ELAPOR2: variants seen among roughly 807,000 people sequenced by gnomAD.
The protein encoded by ELAPOR2 is endosome-lysosome associated apoptosis and autophagy regulator family member 2, also known as endosome/lysosome-associated apoptosis and autophagy regulator family member 2.
In ELAPOR2, 89 loss-of-function variants were observed where a neutral mutation model predicts 120.7. The observed-to-expected ratio is 0.74, with a 90% CI of 0.62 to 0.88. The LOEUF is 0.88. ELAPOR2 is among the 40% of genes least tolerant of loss of function. ELAPOR2 has a pLI of 0.00. For synonymous variants in ELAPOR2, 444 were observed against 444.9 expected, an observed-to-expected ratio of 1.00 and a Z score of 0.03; for missense variants, 1,134 against 1,251.6, an observed-to-expected ratio of 0.91 and a Z score of 1.42.
At chr7:86,903,531 T>C (rs1243198967) in intron 18 of ELAPOR2, among the ~76,000 whole-genome samples, 1 of 152,198 alleles carries the variant, frequency 6.6e-6, no homozygotes, top group East Asian at 1.9e-4. Flanking sequence ...CATATTTTGG[T>C]TTTAACAGTC....
intron 4 of ELAPOR2, among the ~76,000 whole-genome samples, chr7:86,943,238 T>C (rs1790872780): frequency 6.6e-6 from 1 of 151,878 alleles, no homozygotes; most frequent in African/African-American, 2.4e-5. Flanking sequence ...ACTGGCATTC[T>C]GGAGACCTGT....
intron 2 of ELAPOR2, among the ~76,000 whole-genome samples, chr7:86,952,946 G>A (rs1319229510): frequency 6.6e-6 from 1 of 151,690 alleles, no homozygotes; most frequent in African/African-American, 2.4e-5. Context: ...AACACAAAAA[G>A]TTAGCCAGGC....
At chr7:86,935,935 A>C (rs1012629072) in intron 8 of ELAPOR2, among the ~76,000 whole-genome samples, 3 of 152,102 alleles carry the variant, frequency 2.0e-5, no homozygotes. Flanking sequence ...GGCAGAAAGA[A>C]ATCTAAGCAA....
At chr7:86,938,036 A>T in intron 8 of ELAPOR2, 90 bp downstream of exon 8, 1 of 974,452 alleles carries the variant, frequency 1.0e-6, no homozygotes, top group Non-Finnish European at 1.6e-6. Flanking sequence ...CGTGTGTCAT[A>T]AATATCTCTC....
At chr7:87,001,964 A>G (rs1793332402) in intron 1 of ELAPOR2, among the ~76,000 whole-genome samples, 1 of 152,128 alleles carries the variant, frequency 6.6e-6, no homozygotes, top group Non-Finnish European at 1.5e-5. Context: ...ATCTGAGCTT[A>G]ATGGTGTAAA....
chr7:87,052,520 G>T (rs1584049121), intron 1 of ELAPOR2, among the ~76,000 whole-genome samples: 6 of 152,166 alleles, frequency 3.9e-5, no homozygotes, highest in Admixed American at 2.0e-4. Flanking sequence ...TGAGCGCAAT[G>T]GTTCTTGCTG....
chr7:86,963,999 C>T (rs1310162123), intron 2 of ELAPOR2, among the ~76,000 whole-genome samples: 2 of 152,122 alleles, frequency 1.3e-5, no homozygotes, highest in East Asian at 3.8e-4. Flanking sequence ...TCAGTAAATC[C>T]ACCAATTATG....
intron 1 of ELAPOR2, among the ~76,000 whole-genome samples, chr7:86,973,086 T>A (rs1439094994): frequency 6.6e-6 from 1 of 152,062 alleles, no homozygotes; most frequent in Non-Finnish European, 1.5e-5. Flanking sequence ...AACACCACCA[T>A]CAGCCTAATG....
At chr7:87,040,417 G>T (rs1352375579) in intron 1 of ELAPOR2, among the ~76,000 whole-genome samples, 1 of 152,232 alleles carries the variant, frequency 6.6e-6, no homozygotes, top group Non-Finnish European at 1.5e-5. Flanking sequence ...CACGCAGCTG[G>T]AGATCTGAGA....
At chr7:87,043,305 CA>C (rs1467643263) in intron 1 of ELAPOR2, among the ~76,000 whole-genome samples, 1 of 150,980 alleles carries the variant, frequency 6.6e-6, no homozygotes, top group Non-Finnish European at 1.5e-5. Flanking sequence ...AGAGACACAA[CA>C]AAAAAAGAGA....
chr7:87,029,771 G>C (rs1794369226), intron 1 of ELAPOR2, among the ~76,000 whole-genome samples: 1 of 152,086 alleles, frequency 6.6e-6, no homozygotes, highest in Admixed American at 6.6e-5. Context: ...CACTCAGACA[G>C]GATATCTACA....
chr7:86,938,406 A>T (rs142625041), intron 7 of ELAPOR2, among the ~76,000 whole-genome samples, 192 bp from the exon 8 acceptor site: 1 of 152,240 alleles, frequency 6.6e-6, no homozygotes, highest in East Asian at 1.9e-4. Context: ...AAGTGTTTCT[A>T]TGATACACAT....
At chr7:86,915,874 A>G (rs1562919500) in intron 12 of ELAPOR2, among the ~76,000 whole-genome samples, 1 of 152,022 alleles carries the variant, frequency 6.6e-6, no homozygotes, top group Non-Finnish European at 1.5e-5. Flanking sequence ...TCCTCATGTA[A>G]CCAAACAATG....
At chr7:86,918,801 C>T (rs1270963234) in intron 11 of ELAPOR2, among the ~76,000 whole-genome samples, 2 of 151,994 alleles carry the variant, frequency 1.3e-5, no homozygotes, top group Non-Finnish European at 2.9e-5. Flanking sequence ...GAAAAGATTC[C>T]TACTGGGTAA....
chr7:86,959,037 A>ACCT (rs34306817), intron 2 of ELAPOR2, among the ~76,000 whole-genome samples: 84,049 of 151,704 alleles, frequency 0.55, 25,723 homozygotes, highest in African/African-American at 0.82. Context: ...CAAGTCTGTC[A>ACCT]CCTTGTTTAA....
At chr7:86,886,584 T>G (rs1799700498) in intron 21 of ELAPOR2, among the ~76,000 whole-genome samples, 1 of 152,110 alleles carries the variant, frequency 6.6e-6, no homozygotes, top group African/African-American at 2.4e-5. Flanking sequence ...TAAATTTCAT[T>G]CCCATGCCCC....
intron 1 of ELAPOR2, among the ~76,000 whole-genome samples, chr7:87,016,339 A>G (rs1392997032): frequency 6.6e-6 from 1 of 151,690 alleles, no homozygotes; most frequent in African/African-American, 2.4e-5. Flanking sequence ...GATGGACAAG[A>G]CTCCATCTCA....
chr7:87,001,121 CCTA>C (rs1793302438), intron 1 of ELAPOR2, among the ~76,000 whole-genome samples: 1 of 152,050 alleles, frequency 6.6e-6, no homozygotes, highest in South Asian at 2.1e-4. Context: ...AAGTAGAAAG[CCTA>C]CTACATTAGA....
intron 2 of ELAPOR2, among the ~76,000 whole-genome samples, chr7:86,954,104 T>G (rs1367995672): frequency 6.6e-6 from 1 of 152,200 alleles, no homozygotes; most frequent in Non-Finnish European, 1.5e-5. Context: ...GCAATTTACT[T>G]AACCTCTGTG....
Sources: gnomAD v4.1 joint callset for allele counts (sites outside exome capture counted in the v4.1 genomes callset) on GRCh38, gnomAD v4.1.1 for gene constraint, MANE v1.5 for transcripts, NCBI Gene and HGNC (gene_info 2026-07-23, HGNC 2026-07-21) for gene names.